Variants in MAN2A1 observed in about 807,000 individuals in gnomAD.
MAN2A1 encodes the protein mannosidase alpha class 2A member 1.
A neutral mutation model predicts 142.6 loss-of-function variants in MAN2A1; 76 were observed. That is an observed-to-expected ratio of 0.53 (90% CI 0.44 to 0.65). The LOEUF is 0.65. MAN2A1 is among the 30% of genes least tolerant of loss of function. The probability of loss-of-function intolerance (pLI) is 0.00; values close to 1 mark genes in which losing one functional copy is unlikely to be tolerated. For missense variants in MAN2A1, 1,311 were observed against 1,365.1 expected, an observed-to-expected ratio of 0.96 and a Z score of 0.62; for synonymous variants, 559 against 473.2, an observed-to-expected ratio of 1.18 and a Z score of -2.35.
chr5:109,838,137 C>T (rs1755104526), intron 16 of MAN2A1, among the ~76,000 whole-genome samples: 1 of 152,040 alleles, frequency 6.6e-6, no homozygotes, highest in Non-Finnish European at 1.5e-5. Context: ...GTAGTGGGAC[C>T]TTCTGAAGGA....
At chr5:109,736,893 A>G (rs182992660) in intron 4 of MAN2A1, among the ~76,000 whole-genome samples, 50 of 152,204 alleles carry the variant, frequency 3.3e-4, no homozygotes, top group African/African-American at 1.2e-3. Context: ...CAATAGTCTG[A>G]CTAGCTTTTA....
intron 10 of MAN2A1, among the ~76,000 whole-genome samples, chr5:109,787,699 C>T (rs1170992532): frequency 1.3e-5 from 2 of 151,922 alleles, no homozygotes; most frequent in Non-Finnish European, 2.9e-5. Flanking sequence ...TGGTGGAGAA[C>T]ATGACTTTCA....
At chr5:109,785,175 T>A (rs1753564508) in intron 10 of MAN2A1, among the ~76,000 whole-genome samples, 1 of 152,112 alleles carries the variant, frequency 6.6e-6, no homozygotes, top group African/African-American at 2.4e-5. Flanking sequence ...ATTACTACTG[T>A]TTAAAGCTGA....
At chr5:109,794,402 G>A (rs1753809991) in intron 12 of MAN2A1, among the ~76,000 whole-genome samples, 1 of 152,100 alleles carries the variant, frequency 6.6e-6, no homozygotes. Context: ...TAGAAAACTA[G>A]TATATAGAAA....
At chr5:109,711,278 G>A (rs1751293240) in intron 1 of MAN2A1, among the ~76,000 whole-genome samples, 2 of 152,188 alleles carry the variant, frequency 1.3e-5, no homozygotes, top group Admixed American at 6.5e-5. Context: ...ACCATTACCT[G>A]CTGTGGTAAA....
chr5:109,698,141 C>G (rs909153084), intron 1 of MAN2A1, among the ~76,000 whole-genome samples: 2 of 152,080 alleles, frequency 1.3e-5, no homozygotes, highest in African/African-American at 4.8e-5. Context: ...AATTCTGAGC[C>G]CAGTCTGATT....
At chr5:109,764,160 T>C (rs1752929692) in intron 5 of MAN2A1, among the ~76,000 whole-genome samples, 1 of 152,232 alleles carries the variant, frequency 6.6e-6, no homozygotes, top group East Asian at 1.9e-4. Flanking sequence ...ATATTACAAA[T>C]ATATTTCCTG....
At chr5:109,789,274 TAGTA>T (rs1311051591) in intron 11 of MAN2A1, among the ~76,000 whole-genome samples, 182 bp from the exon 12 acceptor site, 1 of 151,858 alleles carries the variant, frequency 6.6e-6, no homozygotes, top group Non-Finnish European at 1.5e-5. Context: ...ATTAAGATGT[TAGTA>T]AGGCAACTGG....
At chr5:109,776,134 A>T (rs1290191797) in intron 8 of MAN2A1, among the ~76,000 whole-genome samples, 1 of 150,946 alleles carries the variant, frequency 6.6e-6, no homozygotes, top group Non-Finnish European at 1.5e-5. Context: ...ATTATTCAGC[A>T]TGTTTATTAT....
At chr5:109,707,782 G>T (rs749458194) in intron 1 of MAN2A1, among the ~76,000 whole-genome samples, 2 of 152,170 alleles carry the variant, frequency 1.3e-5, no homozygotes, top group Non-Finnish European at 1.5e-5. Flanking sequence ...GAGATATTCA[G>T]TCCTTACTGA....
chr5:109,777,892 C>T (rs917927623), intron 8 of MAN2A1, among the ~76,000 whole-genome samples: 1 of 152,046 alleles, frequency 6.6e-6, no homozygotes, highest in African/African-American at 2.4e-5. Context: ...TGTGTCTACA[C>T]TCTCTATTCA....
chr5:109,795,546 T>C (rs905947176), intron 12 of MAN2A1, among the ~76,000 whole-genome samples: 2 of 152,160 alleles, frequency 1.3e-5, no homozygotes, highest in African/African-American at 2.4e-5. Flanking sequence ...CAGTGTATTA[T>C]CACAATCTAA....
chr5:109,697,377 T>C (rs1160841092), intron 1 of MAN2A1, among the ~76,000 whole-genome samples: 1 of 152,204 alleles, frequency 6.6e-6, no homozygotes, highest in Non-Finnish European at 1.5e-5. Flanking sequence ...TTTTGTCCTC[T>C]AAATAGCATT....
Position 109,765,971 on chromosome 5 carries a change from A to G in MAN2A1, c.836-1564A>G, listed in dbSNP as rs1028537478. Among the ~76,000 whole-genome samples, 11 of 152,026 alleles carry G rather than the reference A, an allele frequency of 7.2e-5. No individual in the cohort carries two copies. In the East Asian group the frequency reaches 1.9e-3, roughly 27 times the overall value. On this transcript the variant is annotated intron_variant, in intron 5 of 21. Transcript: ENST00000261483. ...TTCTTTCAGGTTTTTTTTTCTTTGT[A>G]AAATGATTGGTATGTAGAGGCCAAG...
chr5:109,731,803 A>G (rs1751920742), intron 4 of MAN2A1, among the ~76,000 whole-genome samples: 1 of 150,752 alleles, frequency 6.6e-6, no homozygotes, highest in African/African-American at 2.5e-5. Flanking sequence ...GCTATTGTGA[A>G]TAGTGCCGCA....
rs542226210 is a variant in MAN2A1, at chr5:109,733,654, TG to T, written c.707+4143del. On this transcript the variant is annotated intron_variant, in intron 4 of 21. Coordinates refer to ENST00000261483, the MANE Select transcript of MAN2A1 (RefSeq NM_002372.4). Reference sequence around the variant, plus strand: ...TTTGTCTTTGGTTCTGTTTATATGCTGGATTACATTTATTGATTAGCGTATA... The same window carrying T: ...TTTGTCTTTGGTTCTGTTTATATGCTGATTACATTTATTGATTAGCGTATA... 3.6e-4 allele frequency among the ~76,000 whole-genome samples: 55 copies of T among 152,300 alleles called. No individual in the cohort carries two copies. In the East Asian group the frequency reaches 9.0e-3, roughly 25 times the overall value.
chr5:109,709,156 C>T (rs991871789), intron 1 of MAN2A1, among the ~76,000 whole-genome samples: 3 of 112,598 alleles, frequency 2.7e-5, no homozygotes, highest in African/African-American at 4.2e-5. Context: ...GGGTTAAGCA[C>T]AGGAGGGTGG....
At chr5:109,769,753 G>C (rs866708453) in intron 6 of MAN2A1, among the ~76,000 whole-genome samples, 1 of 152,198 alleles carries the variant, frequency 6.6e-6, no homozygotes, top group Middle Eastern at 3.4e-3. Context: ...TTGGTGAAAA[G>C]TCCCATTGAC....
intron 12 of MAN2A1, among the ~76,000 whole-genome samples, chr5:109,799,444 C>T (rs1297432868): frequency 6.6e-6 from 1 of 152,018 alleles, no homozygotes; most frequent in East Asian, 1.9e-4. Context: ...ATCTTTACTA[C>T]CTGGGGGGTT....
Sources: gnomAD v4.1 joint callset for allele counts (sites outside exome capture counted in the v4.1 genomes callset) on GRCh38, gnomAD v4.1.1 for gene constraint, MANE v1.5 for transcripts, NCBI Gene and HGNC (gene_info 2026-07-23, HGNC 2026-07-21) for gene names.